The following PDE11A variants were observed in gnomAD, a reference collection of about 807,000 sequenced individuals.
PDE11A encodes the protein dual 3',5'-cyclic-AMP and -GMP phosphodiesterase 11A.
A neutral mutation model predicts 100.5 loss-of-function variants in PDE11A; 100 were observed. That is an observed-to-expected ratio of 1.00 (90% CI 0.85 to 1.18). The LOEUF is 1.18. Ranked by LOEUF, PDE11A falls within the 50% of genes most tolerant of loss-of-function variation. The pLI is 0.00. For synonymous variants in PDE11A, 381 were observed against 420.8 expected (o/e 0.91, Z 1.16); for missense variants, 1,141 against 1,152.6 (o/e 0.99, Z 0.15).
At chr2:177,804,876 G>T (rs60586489) in intron 9 of PDE11A, among the ~76,000 whole-genome samples, 2,256 of 151,922 alleles carry the variant, frequency 0.015, 49 homozygotes, top group African/African-American at 0.051. Flanking sequence ...TGGAGCTAAA[G>T]AATGGGTACA....
In PDE11A at chr2:177,631,584, T is replaced by TACAC. The variant is rs557206646; in HGVS notation, c.2647-2026_2647-2023dup. On this transcript the variant is annotated intron_variant, in intron 19 of 19. Coordinates refer to ENST00000286063, the MANE Select transcript of PDE11A (RefSeq NM_016953.4). ...ATATATATATACATGTATATATATA[T>TACAC]ACACACACATATATATGTGTGTATA... Among the ~76,000 whole-genome samples, 144 of 31,044 alleles carry TACAC rather than the reference T, an allele frequency of 4.6e-3. 8 individuals are homozygous for TACAC. Among genetic ancestry groups the TACAC allele is most frequent in the African/African-American group, 0.012 (139 of 11,492 alleles). 20.4% of individuals were successfully genotyped at this position (31,044 alleles called of 152,430 possible).
chr2:177,932,008 A>G (rs2085214058), intron 2 of PDE11A, among the ~76,000 whole-genome samples: 2 of 152,110 alleles, frequency 1.3e-5, no homozygotes, highest in South Asian at 4.1e-4. Context: ...CAGAAATACA[A>G]AAGATCCTCA....
chr2:177,873,495 C>T (rs983564104), intron 5 of PDE11A, among the ~76,000 whole-genome samples: 1 of 152,142 alleles, frequency 6.6e-6, no homozygotes, highest in Non-Finnish European at 1.5e-5. Flanking sequence ...AAACCTCTTA[C>T]CAAAGACCTC....
intron 10 of PDE11A, among the ~76,000 whole-genome samples, chr2:177,743,529 G>A (rs2081905612): frequency 6.6e-6 from 1 of 152,192 alleles, no homozygotes; most frequent in Non-Finnish European, 1.5e-5. Flanking sequence ...AGGGTACAGG[G>A]TAGAGATGTC....
At chr2:177,929,686 T>C (rs946862109) in intron 2 of PDE11A, among the ~76,000 whole-genome samples, 1 of 152,080 alleles carries the variant, frequency 6.6e-6, no homozygotes, top group Non-Finnish European at 1.5e-5. Flanking sequence ...AATGTGGGGG[T>C]GTGGGAAGAG....
At chr2:177,719,531 C>T (rs561791557) in intron 12 of PDE11A, among the ~76,000 whole-genome samples, 11 of 152,198 alleles carry the variant, frequency 7.2e-5, no homozygotes, top group South Asian at 2.1e-4. Flanking sequence ...GGAAAAAGTA[C>T]GGCTCAGACA....
intron 19 of PDE11A, among the ~76,000 whole-genome samples, chr2:177,645,697 T>C (rs1559124176): frequency 6.6e-6 from 1 of 152,218 alleles, no homozygotes; most frequent in Non-Finnish European, 1.5e-5. Context: ...AAGATAATGC[T>C]TAGTATGAAG....
At chr2:178,072,927 GTC>G (rs544709897), upstream of PDE11A, 255 of 985,422 alleles carry the variant, frequency 2.6e-4, 1 homozygote, top group African/African-American at 4.1e-3. Context: ...TCCTGGAAGA[GTC>G]TCTGGACGGC....
intron 15 of PDE11A, among the ~76,000 whole-genome samples, chr2:177,693,181 G>A (rs533591212): frequency 1.6e-4 from 24 of 152,200 alleles, no homozygotes; most frequent in Admixed American, 4.6e-4. Context: ...GCTGCTACAC[G>A]CAGTGCCTCA....
At chr2:177,870,629 T>C (rs1210698899) in intron 5 of PDE11A, among the ~76,000 whole-genome samples, 2 of 152,210 alleles carry the variant, frequency 1.3e-5, no homozygotes, top group African/African-American at 4.8e-5. Flanking sequence ...GGTAATCTAC[T>C]TGCAAGTAAT....
intron 2 of PDE11A, among the ~76,000 whole-genome samples, chr2:177,933,087 C>CACAT (rs370333403): frequency 1.3e-5 from 2 of 151,444 alleles, no homozygotes; most frequent in African/African-American, 2.4e-5. Flanking sequence ...CACACACACA[C>CACAT]ACAAATAAAA....
intron 9 of PDE11A, among the ~76,000 whole-genome samples, chr2:177,790,516 A>G (rs1362075935): frequency 6.6e-6 from 1 of 152,200 alleles, no homozygotes; most frequent in Non-Finnish European, 1.5e-5. Context: ...AAGCAATGGC[A>G]ACAAAAGCCA....
chr2:177,851,860 A>C (rs2083716369), intron 5 of PDE11A, among the ~76,000 whole-genome samples: 1 of 152,102 alleles, frequency 6.6e-6, no homozygotes, highest in Non-Finnish European at 1.5e-5. Flanking sequence ...TATTAAGCCC[A>C]GTAACCATTA....
intron 2 of PDE11A, among the ~76,000 whole-genome samples, chr2:177,992,659 A>G (rs2086018413): frequency 6.6e-6 from 1 of 152,204 alleles, no homozygotes; most frequent in Non-Finnish European, 1.5e-5. Context: ...AAGATAGTTA[A>G]GTAGCTGAAG....
intron 8 of PDE11A, 41 bp from the exon 9 acceptor site, chr2:177,816,962 T>C (rs2105580058): frequency 1.7e-6 from 2 of 1,178,680 alleles, no homozygotes; most frequent in South Asian, 1.2e-5. Flanking sequence ...TTGCAGCAAC[T>C]CATTGGCAAA....
chr2:177,755,759 G>A (rs988870449), intron 10 of PDE11A, among the ~76,000 whole-genome samples: 2 of 152,226 alleles, frequency 1.3e-5, no homozygotes, highest in Non-Finnish European at 2.9e-5. Flanking sequence ...GCTGAAAGAT[G>A]AGAAACCCAG....
At chr2:177,978,939 A>AG (rs2085840777) in intron 2 of PDE11A, among the ~76,000 whole-genome samples, 1 of 107,674 alleles carries the variant, frequency 9.3e-6, no homozygotes, top group East Asian at 2.5e-4. Flanking sequence ...GGTCGGGGGG[A>AG]GGGGGGAGGG....
chr2:177,702,779 A>T (rs559134059), intron 13 of PDE11A: 6 of 152,280 alleles, frequency 3.9e-5, no homozygotes, highest in African/African-American at 1.4e-4. Context: ...ATATAATATA[A>T]TATAATGTAA....
At chr2:178,084,450 G>C (rs992138115) in intron 2 of PDE11A, among the ~76,000 whole-genome samples, 9 of 152,148 alleles carry the variant, frequency 5.9e-5, no homozygotes, top group Non-Finnish European at 8.8e-5. Flanking sequence ...TCTAAACTTG[G>C]ATTTTACAAA....
Sources: allele counts gnomAD v4.1 joint callset (sites outside exome capture counted in the v4.1 genomes callset), GRCh38; gene constraint gnomAD v4.1.1; transcripts MANE v1.5; gene names NCBI Gene and HGNC (gene_info 2026-07-23, HGNC 2026-07-21).